Variants in ASCC3 observed in about 807,000 individuals in gnomAD.
ASCC3 encodes the protein activating signal cointegrator 1 complex subunit 3.
In ASCC3, 158 loss-of-function variants were observed where a neutral mutation model predicts 256.3. The observed-to-expected ratio is 0.62, with a 90% CI of 0.54 to 0.70. The LOEUF (loss-of-function observed/expected upper bound fraction) is 0.70, where lower values mean the gene tolerates loss of function less well. Ranked by LOEUF, ASCC3 falls within the 30% of genes least tolerant of loss-of-function variation. The pLI, the probability that ASCC3 is intolerant of heterozygous loss-of-function variation, is 0.00. For synonymous variants in ASCC3, 948 were observed against 883.4 expected (o/e 1.07, Z -1.30); for missense variants, 2,259 against 2,626.0 (o/e 0.86, Z 3.05).
intron 10 of ASCC3, among the ~76,000 whole-genome samples, chr6:100,733,481 C>A (rs1394421779): frequency 6.6e-6 from 1 of 152,110 alleles, no homozygotes; most frequent in East Asian, 1.9e-4. Flanking sequence ...CCAACAAACC[C>A]CTGCACTGGC....
intron 29 of ASCC3, 83 bp downstream of exon 29, chr6:100,627,507 A>C: frequency 6.3e-7 from 1 of 1,574,844 alleles, no homozygotes; most frequent in East Asian, 2.2e-5. Flanking sequence ...TCATCCTTTC[A>C]AAGAAACCAA....
chr6:100,834,850 T>C (rs1771797501), intron 4 of ASCC3, among the ~76,000 whole-genome samples: 1 of 152,144 alleles, frequency 6.6e-6, no homozygotes, highest in East Asian at 1.9e-4. Flanking sequence ...TCGGGCTGTA[T>C]TATTTCAGAG....
At chr6:100,520,162 C>A (rs1774230781) in intron 37 of ASCC3, among the ~76,000 whole-genome samples, 1 of 152,100 alleles carries the variant, frequency 6.6e-6, no homozygotes, top group Non-Finnish European at 1.5e-5. Flanking sequence ...TCTTTTCAAT[C>A]TGTACTTTAC....
chr6:100,652,675 C>G (rs1346173369), intron 18 of ASCC3, 50 bp downstream of exon 18: 1 of 1,545,624 alleles, frequency 6.5e-7, no homozygotes, highest in Non-Finnish European at 8.9e-7. Flanking sequence ...ATTTTGAAGT[C>G]TAGAAAGTAT....
chr6:100,558,392 T>C (rs1769734392), intron 36 of ASCC3, among the ~76,000 whole-genome samples: 1 of 152,160 alleles, frequency 6.6e-6, no homozygotes, highest in Non-Finnish European at 1.5e-5. Flanking sequence ...CTATTTTGAT[T>C]TGTAAATACA....
At chr6:100,737,314 T>C (rs1780223552) in intron 10 of ASCC3, among the ~76,000 whole-genome samples, 1 of 152,004 alleles carries the variant, frequency 6.6e-6, no homozygotes, top group South Asian at 2.1e-4. Flanking sequence ...TGGTTTGCTG[T>C]GCAGATCATC....
At chr6:100,874,876 C>T (rs1378817992) in intron 1 of ASCC3, among the ~76,000 whole-genome samples, 1 of 152,028 alleles carries the variant, frequency 6.6e-6, no homozygotes, top group East Asian at 1.9e-4. Context: ...AAGAGGTAAA[C>T]TATGAGGGGG....
At chr6:100,650,779 T>TTA in intron 19 of ASCC3, 65 bp from the exon 20 acceptor site, 4 of 1,228,190 alleles carry the variant, frequency 3.3e-6, no homozygotes, top group Non-Finnish European at 4.7e-6. Flanking sequence ...CACATTGAAA[T>TTA]TAAATACATT....
chr6:100,571,997 T>C (rs988151944), intron 36 of ASCC3, among the ~76,000 whole-genome samples: 3 of 152,220 alleles, frequency 2.0e-5, no homozygotes, highest in Admixed American at 6.5e-5. Flanking sequence ...ACAAAAGATA[T>C]AGCTCTGCAA....
chr6:100,640,867 C>T (rs1775089063), intron 24 of ASCC3, among the ~76,000 whole-genome samples: 1 of 152,102 alleles, frequency 6.6e-6, no homozygotes, highest in African/African-American at 2.4e-5. Flanking sequence ...AGTTTAAAGT[C>T]ACATTAAGAC....
intron 37 of ASCC3, among the ~76,000 whole-genome samples, chr6:100,528,019 A>G (rs533812457): frequency 7.4e-5 from 11 of 149,598 alleles, no homozygotes; most frequent in African/African-American, 2.7e-4. Flanking sequence ...TTTTTTTGGT[A>G]GATATGGGGT....
chr6:100,628,098 AAAAAC>A, intron 27 of ASCC3, 111 bp from the exon 28 acceptor site: 1 of 1,151,224 alleles, frequency 8.7e-7, no homozygotes, highest in Non-Finnish European at 1.2e-6. Context: ...AAACAAAAAA[AAAAAC>A]AAAAAAAAAG....
At chr6:100,549,125 G>A (rs993701415) in intron 36 of ASCC3, among the ~76,000 whole-genome samples, 4 of 151,946 alleles carry the variant, frequency 2.6e-5, no homozygotes, top group African/African-American at 9.6e-5. Flanking sequence ...CTGCAAATAA[G>A]GGGGGACTGC....
chr6:100,687,580 A>T (rs1028885695), intron 13 of ASCC3, among the ~76,000 whole-genome samples: 1 of 152,044 alleles, frequency 6.6e-6, no homozygotes, highest in East Asian at 1.9e-4. Flanking sequence ...GAAATAATTG[A>T]TAACAATGAG....
intron 8 of ASCC3, among the ~76,000 whole-genome samples, chr6:100,769,352 GAAGAA>G (rs1173296887): frequency 6.6e-6 from 1 of 151,834 alleles, no homozygotes. Flanking sequence ...AAGATAGCTA[GAAGAA>G]AAGATTTTGA....
At chr6:100,816,536 T>C (rs1070990) in intron 4 of ASCC3, among the ~76,000 whole-genome samples, 2 of 151,902 alleles carry the variant, frequency 1.3e-5, no homozygotes, top group African/African-American at 4.8e-5. Flanking sequence ...GACTGGACAA[T>C]GAAAATGTGG....
rs115113642 is a variant in ASCC3, at chr6:100,820,839, T to C, written c.802-14959A>G. ...TGAGCAAATGATCTGAATTTCTGCATGGACTATACACGAATGACCAATAAC... is the reference window on the plus strand; with the variant it reads ...TGAGCAAATGATCTGAATTTCTGCACGGACTATACACGAATGACCAATAAC... On this transcript the variant is annotated intron_variant, in intron 4 of 41. Coordinates refer to ENST00000369162, the MANE Select transcript of ASCC3 (RefSeq NM_006828.4). Among the ~76,000 whole-genome samples, 1,042 of 152,272 alleles carry C rather than the reference T, an allele frequency of 6.8e-3. 15 individuals are homozygous for C. The highest frequency in any genetic ancestry group is 0.024 in the African/African-American group (984 of 41,550).
At chr6:100,685,753 A>T (rs1351970097) in intron 13 of ASCC3, among the ~76,000 whole-genome samples, 2 of 152,236 alleles carry the variant, frequency 1.3e-5, no homozygotes. Context: ...TAGGCACAGA[A>T]TAGTTTCTGC....
At chr6:100,735,738 A>G (rs550901805) in intron 10 of ASCC3, among the ~76,000 whole-genome samples, 18 of 152,340 alleles carry the variant, frequency 1.2e-4, no homozygotes, top group African/African-American at 4.1e-4. Context: ...ATACATACAC[A>G]AAATTAAGTA....
Sources: allele counts gnomAD v4.1 joint callset (sites outside exome capture counted in the v4.1 genomes callset), GRCh38; gene constraint gnomAD v4.1.1; transcripts MANE v1.5; gene names NCBI Gene and HGNC (gene_info 2026-07-23, HGNC 2026-07-21).